MREG: variants seen among roughly 807,000 people sequenced by gnomAD.
MREG encodes dilute suppressor protein homolog.
MREG carries 31 observed loss-of-function variants against 28.5 expected under a neutral mutation model. That is an observed-to-expected ratio of 1.09 (90% confidence interval 0.82 to 1.47). The LOEUF (loss-of-function observed/expected upper bound fraction) is 1.47. MREG is among the 40% of genes most tolerant of loss of function. The pLI, the probability that MREG is intolerant of heterozygous loss-of-function variation, is 0.00. For missense variants in MREG, 256 were observed against 257.4 expected, an observed-to-expected ratio of 0.99 and a Z score of 0.04; for synonymous variants, 106 against 95.2, an observed-to-expected ratio of 1.11 and a Z score of -0.66.
At chr2:216,011,689 T>G (rs1694314894) in intron 1 of MREG, among the ~76,000 whole-genome samples, 1 of 150,998 alleles carries the variant, frequency 6.6e-6, no homozygotes, top group South Asian at 2.1e-4. Flanking sequence ...TGACTTGTAT[T>G]CACTGGATAG....
At position 215,944,987 on chromosome 2, in the gene MREG, A is replaced by T. The variant is rs746488807; in HGVS notation, c.521T>A (p.Ile174Asn). The change falls in exon 5 of 5, where the codon ATT (isoleucine) becomes AAT (asparagine). Residue 174 changes from isoleucine to asparagine, a missense_variant. Ile to Asn is a moderately radical substitution (Grantham distance 149). Coordinates refer to ENST00000263268, the MANE Select transcript of MREG (RefSeq NM_018000.3). ...GAACTCTTCTGCAGCATCAAGTGCA[A>T]TGAGACGGTCCTGCAAAAACAAACA... is the stretch of plus-strand genomic sequence containing the variant. ...ERYLFVVDRL[I>N]ALDAAEEFFK... 6.3e-7 allele frequency: 1 copy of T among 1,583,354 alleles called. No homozygotes were observed. The highest frequency in any genetic ancestry group is 1.1e-5 in the South Asian group (1 of 88,670).
chr2:216,014,728 G>C (rs1694402611), upstream of MREG, among the ~76,000 whole-genome samples: 1 of 152,072 alleles, frequency 6.6e-6, no homozygotes, highest in South Asian at 2.1e-4. Context: ...TCATTGGTCA[G>C]GTGCCTTTTT....
intron 2 of MREG, among the ~76,000 whole-genome samples, chr2:215,994,619 A>G (rs1351420989): frequency 4.5e-5 from 2 of 44,738 alleles, no homozygotes; most frequent in Non-Finnish European, 1.8e-4. Context: ...AGGAAGAAGA[A>G]GAGAAGAAGG....
intron 2 of MREG, among the ~76,000 whole-genome samples, chr2:215,950,960 T>C (rs1023019530): frequency 6.6e-6 from 1 of 152,182 alleles, no homozygotes; most frequent in Non-Finnish European, 1.5e-5. Context: ...TCACAAGATC[T>C]GGTTGTTTGA....
chr2:215,962,782 G>A lies in MREG; in HGVS notation c.256-15669C>T, dbSNP rs374775019. On this transcript the variant is annotated intron_variant, in intron 2 of 4. Coordinates refer to ENST00000263268, the MANE Select transcript of MREG (RefSeq NM_018000.3). Reference sequence around the variant, plus strand: ...ACACGTGGCTACTGAGCACCTCAACGTAGCTGATCCAAACTGAGATGGGCG... The same window carrying A: ...ACACGTGGCTACTGAGCACCTCAACATAGCTGATCCAAACTGAGATGGGCG... 6.0e-5 allele frequency among the ~76,000 whole-genome samples: 9 copies of A among 151,142 alleles called. No homozygotes were observed. The East Asian group carries it at 9.7e-4, about 16-fold the overall frequency.
At chr2:215,974,036 A>G (rs1574615834) in intron 2 of MREG, among the ~76,000 whole-genome samples, 1 of 152,226 alleles carries the variant, frequency 6.6e-6, no homozygotes, top group East Asian at 1.9e-4. Flanking sequence ...AACAAAGACA[A>G]CAGCATATTG....
At chr2:216,021,491 A>G (rs755157881) in intron 1 of MREG, among the ~76,000 whole-genome samples, 5 of 152,188 alleles carry the variant, frequency 3.3e-5, no homozygotes, top group Admixed American at 6.5e-5. Context: ...CAACATATAA[A>G]GAGACACTCG....
At chr2:215,947,243 GAGA>G in intron 2 of MREG, 130 bp from the exon 3 acceptor site, 2 of 622,630 alleles carry the variant, frequency 3.2e-6, no homozygotes, top group Admixed American at 2.9e-5. Flanking sequence ...CCTAAAAGAA[GAGA>G]AGGAGATGGA....
intron 2 of MREG, among the ~76,000 whole-genome samples, chr2:215,983,622 T>C (rs1390166397): frequency 1.3e-5 from 2 of 152,234 alleles, no homozygotes; most frequent in African/African-American, 4.8e-5. Context: ...CTCTGTAGTT[T>C]TAATTTTTTG....
At chr2:216,019,929 C>T (rs1694497772) in intron 1 of MREG, among the ~76,000 whole-genome samples, 1 of 152,162 alleles carries the variant, frequency 6.6e-6, no homozygotes, top group Admixed American at 6.5e-5. Flanking sequence ...CATATTATAA[C>T]TTCTCCTCAA....
intron 2 of MREG, among the ~76,000 whole-genome samples, chr2:215,987,039 C>T (rs1389176167): frequency 1.3e-5 from 2 of 152,060 alleles, no homozygotes; most frequent in Non-Finnish European, 2.9e-5. Flanking sequence ...ACGTAAATAT[C>T]AATAGGAACT....
At position 215,947,061 on chromosome 2, in the gene MREG, T is replaced by A; in HGVS notation, c.308A>T (p.Glu103Val). ...DIHTLRQVRR[E>V]VRNRWKCILE... ...GATGCACTTCCATCTGTTTCTTACTTCCCTTCGAACCTGCCGCAGGGTATG... is the reference window on the plus strand; with the variant it reads ...GATGCACTTCCATCTGTTTCTTACTACCCTTCGAACCTGCCGCAGGGTATG... Residue 103 changes from glutamate (E) to valine (V), a missense_variant, in exon 3 of 5, where the codon GAA becomes GTA. By Grantham distance (121) the Glu-to-Val change is moderately radical (BLOSUM62 -2). Coordinates refer to ENST00000263268, the MANE Select transcript of MREG (RefSeq NM_018000.3). The A allele has an allele frequency of 6.2e-7, 1 of 1,612,866 alleles. No individual in the cohort carries two copies. Among genetic ancestry groups the A allele is most frequent in the Non-Finnish European group, 8.5e-7 (1 of 1,179,030 alleles).
intron 2 of MREG, among the ~76,000 whole-genome samples, chr2:215,994,573 G>A (rs1693810144): frequency 1.3e-5 from 2 of 150,630 alleles, no homozygotes; most frequent in South Asian, 2.1e-4. Context: ...AAAAAAGAGG[G>A]AGAAGAGGGA....
At chr2:215,994,559 TA>T (rs71401130) in intron 2 of MREG, among the ~76,000 whole-genome samples, 65,962 of 149,112 alleles carry the variant, frequency 0.44, 15,707 homozygotes, top group African/African-American at 0.62. Flanking sequence ...AGTATAATTT[TA>T]AAAAAAAAGA....
chr2:215,984,518 C>CAAAAAAAAAA (rs375220091), intron 2 of MREG, among the ~76,000 whole-genome samples: 115 of 68,028 alleles, frequency 1.7e-3, no homozygotes, highest in African/African-American at 2.5e-3. Flanking sequence ...ACCTTGTCAC[C>CAAAAAAAAAA]AAAAAAAAAA....
At chr2:216,003,981 C>T (rs909359094) in intron 1 of MREG, among the ~76,000 whole-genome samples, 1 of 152,192 alleles carries the variant, frequency 6.6e-6, no homozygotes, top group East Asian at 1.9e-4. Flanking sequence ...AGCTCAAAAC[C>T]TGCCAGTGGC....
At position 216,013,298 on chromosome 2, in the gene MREG, C is replaced by G; in HGVS notation, c.30G>C (p.Val10=). Residue 10 remains valine, a synonymous_variant, in exon 1 of 5, where the codon GTG becomes GTC. Coordinates refer to ENST00000263268, the MANE Select transcript of MREG (RefSeq NM_018000.3). The part of the protein sequence containing the change: MGLRDWLRT[V]CCCCGCECLE... ...AGCACTCGCACCCGCAGCAGCAGCA[C>G]ACGGTTCTCAGCCAGTCCCTCAGCC... is the stretch of plus-strand genomic sequence containing the variant. 1 of 1,549,636 alleles carries G rather than the reference C, an allele frequency of 6.5e-7. No individual in the cohort carries two copies. The highest frequency in any genetic ancestry group is 1.2e-5 in the South Asian group (1 of 84,040).
At chr2:215,953,764 G>C (rs887119149) in intron 2 of MREG, among the ~76,000 whole-genome samples, 11 of 152,150 alleles carry the variant, frequency 7.2e-5, no homozygotes, top group Non-Finnish European at 1.6e-4. Flanking sequence ...AATTCCATTT[G>C]GGTTTAAACA....
chr2:215,988,283 A>G (rs925246408), intron 2 of MREG, among the ~76,000 whole-genome samples: 2 of 152,136 alleles, frequency 1.3e-5, no homozygotes, highest in African/African-American at 4.8e-5. Flanking sequence ...CACAGAGAAA[A>G]GCAAGGGGTC....
Sources: allele counts gnomAD v4.1 joint callset (sites outside exome capture counted in the v4.1 genomes callset), GRCh38; gene constraint gnomAD v4.1.1; transcripts MANE v1.5; gene names NCBI Gene and HGNC (gene_info 2026-07-23, HGNC 2026-07-21).